Variants in DCAF11 observed in about 807,000 individuals in gnomAD.
DCAF11 encodes DDB1 and CUL4 associated factor 11.
DCAF11 carries 44 observed loss-of-function variants against 76.1 expected under a neutral mutation model. That is an observed-to-expected ratio of 0.58 (90% CI 0.45 to 0.74). The LOEUF is 0.74. DCAF11 is among the 30% of genes least tolerant of loss of function. DCAF11 has a pLI of 0.00. For synonymous variants in DCAF11, 258 were observed against 255.0 expected (o/e 1.01, Z -0.11); for missense variants, 604 against 709.4 (o/e 0.85, Z 1.69).
intron 9 of DCAF11, 142 bp from the exon 10 acceptor site, chr14:24,119,417 T>C: frequency 8.0e-7 from 1 of 1,248,520 alleles, no homozygotes; most frequent in Non-Finnish European, 1.2e-6. Flanking sequence ...GAAACACAGC[T>C]AACTCTTCCC....
At position 24,115,632 on chromosome 14, in the gene DCAF11, C is replaced by T. The variant is rs1383191675; in HGVS notation, c.38C>T (p.Ser13Phe). 6.2e-7 allele frequency: 1 copy of T among 1,613,796 alleles called. No individual in the cohort carries two copies. The highest frequency in any genetic ancestry group is 8.5e-7 in the Non-Finnish European group (1 of 1,179,850). ...AACAGCAGCAGTGCAGGATCCGGGT[C>T]CGGAGACCCCTCCGAGGGCTTGCCC... is the stretch of plus-strand genomic sequence containing the variant. ...SRNSSSAGSGSGDPSEGLPRR... is the reference protein window; with the variant it reads ...SRNSSSAGSGFGDPSEGLPRR... Residue 13 changes from serine (S) to phenylalanine (F), a missense_variant, in exon 2 of 15, where the codon TCC (serine) becomes TTC (phenylalanine). Physicochemically the swap from Ser to Phe is radical, Grantham distance 155. Coordinates refer to ENST00000446197, the MANE Select transcript of DCAF11 (RefSeq NM_025230.5).
At chr14:24,120,161 T>A (rs1044075793) in intron 11 of DCAF11, among the ~76,000 whole-genome samples, 2 of 151,872 alleles carry the variant, frequency 1.3e-5, no homozygotes, top group African/African-American at 4.8e-5. Flanking sequence ...CCTAGCACTT[T>A]GGGAGGCTGA....
intron 2 of DCAF11, 34 bp downstream of exon 2, chr14:24,115,783 G>A (rs375836106): frequency 4.4e-6 from 7 of 1,599,520 alleles, no homozygotes; most frequent in Non-Finnish European, 6.0e-6. Flanking sequence ...CCCAGCAGGT[G>A]CTACCACAGT....
rs762369220 is a variant in DCAF11 at position 24,118,399 on chromosome 14, C to A, written c.589C>A (p.Arg197=). 3 of 1,614,174 alleles carry A rather than the reference C, an allele frequency of 1.9e-6. No homozygotes were observed. The highest frequency in any genetic ancestry group is 2.5e-6 in the Non-Finnish European group (3 of 1,180,020). ...CTTTACTTACACAGACCAGACAATC[C>A]GACTCTATGACTGCCGATATGGCCG... ...FMSACQDQTI[R]LYDCRYGRFR... Residue 197 remains arginine (R), a synonymous_variant, in exon 7 of 15, where the codon CGA becomes AGA. Coordinates refer to ENST00000446197, the MANE Select transcript of DCAF11 (RefSeq NM_025230.5).
chr14:24,119,924 C>T, intron 11 of DCAF11, 28 bp downstream of exon 11: 1 of 1,575,296 alleles, frequency 6.3e-7, no homozygotes. Flanking sequence ...ACTGTACAGC[C>T]AGGCCGCTAA....
chr14:24,118,746 T>C lies in DCAF11; in HGVS notation c.725-4T>C, dbSNP rs1422831420. 6.2e-7 allele frequency: 1 copy of C among 1,613,942 alleles called. No homozygotes were observed. Among genetic ancestry groups the C allele is most frequent in the East Asian group, 2.2e-5 (1 of 44,900 alleles). ...AAGATTCTTGTTTTTCTTGCTTCTC[T>C]TAGTTCATATCTGCAATATCTATGG... On this transcript the variant is annotated splice_region_variant and splice_polypyrimidine_tract_variant and intron_variant, in intron 7 of 14. Transcript: ENST00000446197.
rs2037726970 is a variant in DCAF11 at position 24,123,274 on chromosome 14, C to T, written c.1606C>T (p.Pro536Ser). 2.6e-6 allele frequency: 4 copies of T among 1,555,490 alleles called. No homozygotes were observed. Among genetic ancestry groups the T allele is most frequent in the East Asian group, 2.2e-5 (1 of 44,488 alleles). ...EECASAPAPV[P>S]QSSTPFSSPQ ...ATGTGCCAGCGCCCCTGCCCCAGTG[C>T]CCCAATCCTCTACACCCTTTTCCTC... The change falls in exon 15 of 15, where the codon CCC becomes TCC. Residue 536 changes from proline (P) to serine (S), a missense_variant. Transcript: ENST00000446197.
chr14:24,116,256 G>A, intron 2 of DCAF11, among the ~76,000 whole-genome samples: 1 of 152,214 alleles, frequency 6.6e-6, no homozygotes, highest in Non-Finnish European at 1.5e-5. Flanking sequence ...ACTGGAAAAG[G>A]GTGCAGCTGG....
In DCAF11 at chr14:24,118,379, C is replaced by G; in HGVS notation, c.578-9C>G. 1 of 1,614,114 alleles carries G rather than the reference C, an allele frequency of 6.2e-7. No individual in the cohort carries two copies. Among genetic ancestry groups the G allele is most frequent in the African/African-American group, 1.3e-5 (1 of 75,068 alleles). Reference sequence around the variant, plus strand: ...GTCCCATAATTCTGCCTGATCTTTACTTACACAGACCAGACAATCCGACTC... The same window carrying G: ...GTCCCATAATTCTGCCTGATCTTTAGTTACACAGACCAGACAATCCGACTC... On this transcript the variant is annotated splice_polypyrimidine_tract_variant and intron_variant, in intron 6 of 14. Transcript: ENST00000446197.
chr14:24,115,677 G>A lies in DCAF11; in HGVS notation c.83G>A (p.Arg28His), dbSNP rs769244022. ...TTGCCCCGAAGAGGGGCTGGCCTGC[G>A]TCGGAGTGAGGAAGAGGAAGAAGAG... ...EGLPRRGAGL[R>H]RSEEEEEEDE... Residue 28 changes from arginine to histidine, a missense_variant, in exon 2 of 15, where the codon CGT becomes CAT. Physicochemically the swap from Arg to His is conservative, Grantham distance 29. Coordinates refer to ENST00000446197, the MANE Select transcript of DCAF11 (RefSeq NM_025230.5). 4 of 1,613,818 alleles carry A rather than the reference G, an allele frequency of 2.5e-6. No homozygotes were observed. In the African/African-American group the frequency reaches 4.0e-5, roughly 16 times the overall value.
Position 24,115,700 on chromosome 14 carries a change from G to A in DCAF11, c.106G>A (p.Glu36Lys). 1 of 1,614,028 alleles carries A rather than the reference G, an allele frequency of 6.2e-7. No homozygotes were observed. The highest frequency in any genetic ancestry group is 8.5e-7 in the Non-Finnish European group (1 of 1,180,010). ...GCGTCGGAGTGAGGAAGAGGAAGAA[G>A]AGGATGAAGATGTGGATCTGGCCCA... Reference protein sequence around the residue: ...GLRRSEEEEEEDEDVDLAQVL... With the variant: ...GLRRSEEEEEKDEDVDLAQVL... Residue 36 changes from glutamate to lysine, a missense_variant, in exon 2 of 15, where the codon GAG (glutamate) becomes AAG (lysine). Glu to Lys is a moderately conservative substitution (Grantham distance 56). Transcript: ENST00000446197.
chr14:24,115,770 A>AC (rs1566590138), intron 2 of DCAF11, 21 bp downstream of exon 2: 1 of 1,605,874 alleles, frequency 6.2e-7, no homozygotes, highest in Non-Finnish European at 8.5e-7. Context: ...CTCTGGTGTG[A>AC]CCCCCAGCAG....
intron 13 of DCAF11, 115 bp from the exon 14 acceptor site, chr14:24,122,856 A>G (rs765521320): frequency 4.4e-4 from 378 of 864,462 alleles, no homozygotes; most frequent in Non-Finnish European, 6.1e-4. Flanking sequence ...CTTTGCTCCC[A>G]TGGGAACATG....
At position 24,117,242 on chromosome 14, in the gene DCAF11, G is replaced by A; in HGVS notation, c.284-24G>A. The A allele has an allele frequency of 6.2e-7, 1 of 1,613,882 alleles. No homozygotes were observed. The highest frequency in any genetic ancestry group is 8.5e-7 in the Non-Finnish European group (1 of 1,179,894). On this transcript the variant is annotated intron_variant, in intron 3 of 14. Coordinates refer to ENST00000446197, the MANE Select transcript of DCAF11 (RefSeq NM_025230.5). The surrounding 1 kb of genome is among the most constrained non-coding windows in gnomAD (Gnocchi z 4.3). ...CCTCTGAGGCTGGCAGACCTAGGAT[G>A]AAACTTCTCCTTGGTACTCACAGTG...
chr14:24,119,117 A>C (rs755703745), intron 8 of DCAF11, 28 bp from the exon 9 acceptor site: 1 of 1,614,178 alleles, frequency 6.2e-7, no homozygotes, highest in South Asian at 1.1e-5. Context: ...AAGGAAGTCC[A>C]CTTAACCCAG....
At position 24,121,483 on chromosome 14, in the gene DCAF11, C is replaced by T. The variant is rs773011549; in HGVS notation, c.1365C>T (p.Phe455=). The change falls in exon 13 of 15, where the codon TTC becomes TTT. Residue 455 remains phenylalanine (F), a synonymous_variant. Coordinates refer to ENST00000446197, the MANE Select transcript of DCAF11 (RefSeq NM_025230.5). ...FSPIHSTGQQ[F]IYSGCSTGKV... ...CCATTCATAGCACTGGCCAGCAGTT[C>T]ATCTACAGTGGCTGCTCCACTGGCA... The T allele has an allele frequency of 1.2e-5, 20 of 1,614,064 alleles. No individual in the cohort carries two copies. The highest frequency in any genetic ancestry group is 1.7e-5 in the Non-Finnish European group (20 of 1,180,034).
rs2037742421 is a variant in DCAF11 at position 24,124,282 on chromosome 14, G to T, written c.*973G>T. 4 of 152,230 alleles carry T rather than the reference G, an allele frequency of 2.6e-5. No individual in the cohort carries two copies. The highest frequency in any genetic ancestry group is 2.6e-4 in the Admixed American group (4 of 15,276). The allele number at this position is 152,230 out of a possible 1,614,324, so 9.4% of individuals were successfully genotyped here. A position where few individuals can be genotyped will look rare whatever the true frequency, so the allele number is the denominator to read the frequency against. ...TCGAGAGAGCACACTTTCCATTAGA[G>T]CCTGGTAATACCCATATCACCTCTG... On this transcript the variant is annotated 3_prime_UTR_variant, in exon 15 of 15. Transcript: ENST00000446197.
rs566743075 is a variant in DCAF11, at chr14:24,118,309, A to G, written c.578-79A>G. 6.4e-5 allele frequency: 103 copies of G among 1,602,696 alleles called. No individual in the cohort carries two copies. In the South Asian group the frequency reaches 1.0e-3, roughly 16 times the overall value. On this transcript the variant is annotated intron_variant, in intron 6 of 14. Transcript: ENST00000446197. ...ATGATAAAGGGAAGACTCCACAGGTACACTGAGTGGGAGATGTCTAATCTA... is the reference window on the plus strand; with the variant it reads ...ATGATAAAGGGAAGACTCCACAGGTGCACTGAGTGGGAGATGTCTAATCTA...
In DCAF11 at chr14:24,121,442, C is replaced by T; in HGVS notation, c.1324C>T (p.Arg442Cys). The T allele has an allele frequency of 2.5e-6, 4 of 1,614,202 alleles. No homozygotes were observed. The highest frequency in any genetic ancestry group is 3.4e-6 in the Non-Finnish European group (4 of 1,180,038). Residue 442 changes from arginine to cysteine, a missense_variant, in exon 13 of 15, where the codon CGC becomes TGC. By Grantham distance (180) the Arg-to-Cys change is radical. Transcript: ENST00000446197. ...CCACGGAGTGCTGCACACCCTCATC[C>T]GCTGCCGGTTCTCCCCCATTCATAG... ...RGHGVLHTLI[R>C]CRFSPIHSTG...
Sources: allele counts gnomAD v4.1 joint callset (sites outside exome capture counted in the v4.1 genomes callset), GRCh38; gene constraint gnomAD v4.1.1; non-coding constraint Gnocchi (gnomAD v3.1); transcripts MANE v1.5; gene names NCBI Gene and HGNC (gene_info 2026-07-23, HGNC 2026-07-21).